Variants in HERC1 observed in about 807,000 individuals in gnomAD.
HERC1 encodes the protein HECT and RLD domain containing E3 ubiquitin protein ligase family member 1, also known as probable E3 ubiquitin-protein ligase HERC1.
Under a neutral mutation model 554.3 loss-of-function variants are expected in HERC1, and 160 were observed. That is an observed-to-expected ratio of 0.29 (90% CI 0.25 to 0.33). The LOEUF is 0.33. HERC1 is among the 10% of genes least tolerant of loss of function. The probability of loss-of-function intolerance (pLI) is 1.00; values close to 1 mark genes in which losing one functional copy is unlikely to be tolerated. For synonymous variants in HERC1, 2,175 were observed against 2,131.7 expected (o/e 1.02, Z -0.56); for missense variants, 4,919 against 5,918.5 (o/e 0.83, Z 5.54).
Position 63,749,341 on chromosome 15 carries a change from G to T in HERC1, c.2219+26C>A, listed in dbSNP as rs368740544. The T allele has an allele frequency of 2.6e-6, 4 of 1,543,520 alleles. No homozygotes were observed. The highest frequency in any genetic ancestry group is 1.4e-5 in the African/African-American group (1 of 71,862). On this transcript the variant is annotated intron_variant, in intron 10 of 77. Transcript: ENST00000443617. This position sits in a 1 kb window ranked among gnomAD's most constrained non-coding sequence, Gnocchi z 4.1. ...TTGGTGTTTATGTTAAAACACACAA[G>T]AATTTTTAAACATAGGCACTCTTAC...
At chr15:63,631,303 T>G (rs1328365712) in intron 68 of HERC1, among the ~76,000 whole-genome samples, 1 of 152,220 alleles carries the variant, frequency 6.6e-6, no homozygotes, top group Non-Finnish European at 1.5e-5. Context: ...GCCCACCTTC[T>G]GCAGCCTAAC....
chr15:63,625,525 C>A (rs2068266008), intron 71 of HERC1, among the ~76,000 whole-genome samples: 1 of 151,856 alleles, frequency 6.6e-6, no homozygotes, highest in African/African-American at 2.4e-5. Flanking sequence ...GAAACCCCAT[C>A]TTTACTAAAA....
intron 1 of HERC1, among the ~76,000 whole-genome samples, chr15:63,795,604 G>A (rs2076788272): frequency 6.6e-6 from 1 of 152,158 alleles, no homozygotes; most frequent in African/African-American, 2.4e-5. Context: ...TGTTTGAAAT[G>A]CTTGTTCCCT....
chr15:63,776,642 T>C (rs900969367), intron 1 of HERC1, among the ~76,000 whole-genome samples: 2 of 152,186 alleles, frequency 1.3e-5, no homozygotes. Flanking sequence ...GTCTCAATAC[T>C]GGTGTGGAAT....
intron 51 of HERC1, among the ~76,000 whole-genome samples, chr15:63,653,756 T>C (rs1461336524): frequency 6.6e-6 from 1 of 152,258 alleles, no homozygotes; most frequent in Non-Finnish European, 1.5e-5. Context: ...TTTTTTATTA[T>C]TGGATCATTA....
chr15:63,806,720 T>C (rs956684319), intron 1 of HERC1, among the ~76,000 whole-genome samples: 8 of 152,202 alleles, frequency 5.3e-5, no homozygotes, highest in African/African-American at 1.4e-4. Context: ...AATCAGATAA[T>C]AGATTGCATT....
chr15:63,652,354 G>A, intron 52 of HERC1, 60 bp downstream of exon 52: 1 of 1,493,254 alleles, frequency 6.7e-7, no homozygotes, highest in Non-Finnish European at 9.0e-7. Context: ...ACACAACCAA[G>A]ATGAGGCATG....
rs745928647 is a variant in HERC1 at position 63,749,319 on chromosome 15, G to T, written c.2219+48C>A. 5.1e-6 allele frequency: 7 copies of T among 1,371,576 alleles called. No individual in the cohort carries two copies. Among genetic ancestry groups the T allele is most frequent in the South Asian group, 1.4e-5 (1 of 71,366 alleles). The allele number at this position is 1,371,576 out of a possible 1,614,324, so 85.0% of individuals were successfully genotyped here. On this transcript the variant is annotated intron_variant, in intron 10 of 77. Coordinates refer to ENST00000443617, the MANE Select transcript of HERC1 (RefSeq NM_003922.4). The surrounding 1 kb of genome is among the most constrained non-coding windows in gnomAD (Gnocchi z 4.1). ...TTATTAGTGTTTCTACTTTTTATTG[G>T]TGTTTATGTTAAAACACACAAGAAT... is the stretch of plus-strand genomic sequence containing the variant.
At chr15:63,799,690 G>A (rs2076918452) in intron 1 of HERC1, among the ~76,000 whole-genome samples, 1 of 152,044 alleles carries the variant, frequency 6.6e-6, no homozygotes, top group Non-Finnish European at 1.5e-5. Context: ...GACAGAAGAT[G>A]GAAAATGATA....
chr15:63,623,635 A>G (rs2068180830), intron 73 of HERC1, 90 bp downstream of exon 73: 2 of 1,250,538 alleles, frequency 1.6e-6, no homozygotes, highest in African/African-American at 1.5e-5. Context: ...CTACATTTAT[A>G]AAAACATGCC....
chr15:63,833,753 G>GCGCGCACACACACA (rs1340096449), intron 1 of HERC1, 74 bp downstream of exon 1: 1 of 46,456 alleles, frequency 2.2e-5, no homozygotes, highest in African/African-American at 5.7e-5. Context: ...ACGCGCGCGC[G>GCGCGCACACACACA]CACACACACA....
intron 14 of HERC1, among the ~76,000 whole-genome samples, chr15:63,730,323 G>A (rs900804410): frequency 6.6e-6 from 1 of 151,936 alleles, no homozygotes; most frequent in East Asian, 1.9e-4. Flanking sequence ...GCTGAGCATG[G>A]TGGTGCACAC....
At chr15:63,810,067 G>A (rs1457453112) in intron 1 of HERC1, among the ~76,000 whole-genome samples, 1 of 151,900 alleles carries the variant, frequency 6.6e-6, no homozygotes, top group Non-Finnish European at 1.5e-5. Context: ...AATGAATGAG[G>A]AAGATCTACA....
chr15:63,829,958 T>C (rs1408393475), intron 1 of HERC1, among the ~76,000 whole-genome samples: 3 of 151,962 alleles, frequency 2.0e-5, no homozygotes, highest in Non-Finnish European at 4.4e-5. Flanking sequence ...AATAATTGAA[T>C]AAATAAGTGA....
chr15:63,687,430 T>C (rs565359204), intron 33 of HERC1, among the ~76,000 whole-genome samples: 63 of 151,752 alleles, frequency 4.2e-4, no homozygotes, highest in African/African-American at 1.5e-3. Flanking sequence ...CCCAGCTACT[T>C]AGGAAGCTGA....
In HERC1 at chr15:63,656,180, T is replaced by G. The variant is rs1429333521; in HGVS notation, c.9778A>C (p.Ile3260Leu). 2 of 1,612,700 alleles carry G rather than the reference T, an allele frequency of 1.2e-6. No homozygotes were observed. The highest frequency in any genetic ancestry group is 1.1e-5 in the South Asian group (1 of 90,812). Residue 3260 changes from isoleucine (I) to leucine (L), a missense_variant, in exon 49 of 78, where the codon ATC becomes CTC. Physicochemically the swap from Ile to Leu is conservative, Grantham distance 5. Transcript: ENST00000443617. ...RGGHSKANKPISCLAYLSTAV... is the reference protein window; with the variant it reads ...RGGHSKANKPLSCLAYLSTAV... The stretch of plus-strand genomic sequence containing the variant: ...GTGCTCAAATAGGCCAGGCAAGAGA[T>G]AGGCTTGTTAGCCTTGCTATGCCCA...
chr15:63,628,672 C>T lies in HERC1; in HGVS notation c.13105+5G>A. 6.2e-7 allele frequency: 1 copy of T among 1,605,364 alleles called. No homozygotes were observed. The highest frequency in any genetic ancestry group is 8.5e-7 in the Non-Finnish European group (1 of 1,176,906). ...CTGCAGGAGCATGAATATTTCATTC[C>T]TCACCTGGTGCTCTTGGTGGGACAG... is the stretch of plus-strand genomic sequence containing the variant. On this transcript the variant is annotated splice_donor_5th_base_variant and intron_variant, in intron 70 of 77. Coordinates refer to ENST00000443617, the MANE Select transcript of HERC1 (RefSeq NM_003922.4).
chr15:63,766,671 G>GT (rs1334257658), intron 2 of HERC1, among the ~76,000 whole-genome samples: 3 of 152,152 alleles, frequency 2.0e-5, no homozygotes, highest in African/African-American at 7.2e-5. Flanking sequence ...AAGGTTAGGG[G>GT]TTTTTTTGTT....
intron 25 of HERC1, among the ~76,000 whole-genome samples, chr15:63,704,921 G>T (rs2072923721): frequency 6.6e-6 from 1 of 151,660 alleles, no homozygotes; most frequent in Non-Finnish European, 1.5e-5. Flanking sequence ...TGTATTTTTA[G>T]TAGAGACAGG....
Sources: allele counts gnomAD v4.1 joint callset (sites outside exome capture counted in the v4.1 genomes callset), GRCh38; gene constraint gnomAD v4.1.1; non-coding constraint Gnocchi (gnomAD v3.1); transcripts MANE v1.5; gene names NCBI Gene and HGNC (gene_info 2026-07-23, HGNC 2026-07-21).